Variants in TDRD9 observed in about 807,000 individuals in gnomAD.
TDRD9 encodes the protein tudor domain containing 9.
Under a neutral mutation model 172.6 loss-of-function variants are expected in TDRD9, and 124 were observed. The observed-to-expected ratio is 0.72, with a 90% CI of 0.62 to 0.83. The LOEUF is 0.83. TDRD9 is among the 40% of genes least tolerant of loss of function. TDRD9 has a pLI of 0.00. For missense variants in TDRD9, 1,479 were observed against 1,714.1 expected (o/e 0.86, Z 2.42); for synonymous variants, 619 against 617.1 (o/e 1.00, Z -0.05).
intron 2 of TDRD9, among the ~76,000 whole-genome samples, chr14:103,956,111 A>AAAAAAAATAT (rs1566738325): frequency 5.4e-5 from 1 of 18,362 alleles, no homozygotes; most frequent in African/African-American, 2.7e-4. Context: ...AAAAAAAAAA[A>AAAAAAAATAT]ATATATATAT....
chr14:103,978,553 A>G (rs1375926010), intron 7 of TDRD9, among the ~76,000 whole-genome samples: 2 of 152,140 alleles, frequency 1.3e-5, no homozygotes, highest in African/African-American at 2.4e-5. Context: ...TTTGGTCGCG[A>G]TGTTTCCTTA....
At chr14:103,974,830 G>A (rs1170907778) in intron 6 of TDRD9, among the ~76,000 whole-genome samples, 1 of 152,040 alleles carries the variant, frequency 6.6e-6, no homozygotes, top group Non-Finnish European at 1.5e-5. Context: ...TGTAATGATG[G>A]GGTCTTGCTA....
At chr14:104,048,767 C>T (rs1363135232) in intron 34 of TDRD9, among the ~76,000 whole-genome samples, 1 of 152,150 alleles carries the variant, frequency 6.6e-6, no homozygotes, top group Non-Finnish European at 1.5e-5. Context: ...GCTGCTGGCC[C>T]CAAGCAGGAT....
At chr14:104,018,309 T>G (rs12589669) in intron 23 of TDRD9, 117 bp downstream of exon 23, 1 of 609,830 alleles carries the variant, frequency 1.6e-6, no homozygotes, top group Non-Finnish European at 2.8e-6. Context: ...TATGGGCTGC[T>G]GCAATTGGCT....
Position 104,025,586 on chromosome 14 carries a change from G to A in TDRD9, c.2741G>A (p.Trp914Ter), listed in dbSNP as rs895366806. The A allele has an allele frequency of 1.5e-5, 24 of 1,613,762 alleles. No individual in the cohort carries two copies. The highest frequency in any genetic ancestry group is 1.9e-5 in the Non-Finnish European group (23 of 1,179,852). The change falls in exon 26 of 36, where the codon TGG (tryptophan) becomes TAG (stop). Residue 914 changes from tryptophan to a stop codon, truncating the protein, a stop_gained. Coordinates refer to ENST00000409874, the MANE Select transcript of TDRD9 (RefSeq NM_153046.3). LOFTEE classifies it high-confidence loss of function. ...TAGGTGGTTGAAGTGGGACACTTTTGGGGATACAGGATTGATGAAAACAAC... is the reference window on the plus strand; with the variant it reads ...TAGGTGGTTGAAGTGGGACACTTTTAGGGATACAGGATTGATGAAAACAAC... ...VTEVVEVGHF[W>*]GYRIDENNSE...
intron 1 of TDRD9, among the ~76,000 whole-genome samples, chr14:103,933,558 CTAT>C (rs944885370): frequency 2.0e-5 from 3 of 151,924 alleles, no homozygotes; most frequent in African/African-American, 7.2e-5. Flanking sequence ...TTTCATTTTA[CTAT>C]TATTATTTTA....
chr14:103,952,058 A>G lies in TDRD9; in HGVS notation c.216-3606A>G, dbSNP rs567944881. Among the ~76,000 whole-genome samples, 682 of 148,658 alleles carry G rather than the reference A, an allele frequency of 4.6e-3. 6 individuals are homozygous for G. The highest frequency in any genetic ancestry group is 0.016 in the African/African-American group (651 of 40,388). ...GCTGGGATTACCGGCGTGAGCCACC[A>G]TGCCCAGCCATAAAAGGAAATATTT... On this transcript the variant is annotated intron_variant, in intron 1 of 35. Coordinates refer to ENST00000409874, the MANE Select transcript of TDRD9 (RefSeq NM_153046.3).
At chr14:104,022,109 A>T in intron 23 of TDRD9, 48 bp from the exon 24 acceptor site, 1 of 1,486,834 alleles carries the variant, frequency 6.7e-7, no homozygotes. Flanking sequence ...TGCAGTTTTT[A>T]AACAGATGCC....
intron 1 of TDRD9, chr14:103,941,551 C>T (rs1409806392): frequency 2.2e-5 from 34 of 1,535,060 alleles, no homozygotes; most frequent in East Asian, 1.5e-4. Context: ...TGTTCATTTT[C>T]GATTTCTTGT....
At chr14:103,961,289 A>C (rs2032495490) in intron 2 of TDRD9, among the ~76,000 whole-genome samples, 1 of 152,220 alleles carries the variant, frequency 6.6e-6, no homozygotes, top group African/African-American at 2.4e-5. Flanking sequence ...TAGAAGATTA[A>C]AAAGCCATAG....
intron 8 of TDRD9, among the ~76,000 whole-genome samples, chr14:103,988,469 C>A (rs28715405): frequency 1.3e-5 from 2 of 152,044 alleles, no homozygotes; most frequent in Admixed American, 1.3e-4. Flanking sequence ...CGCGCCTGGC[C>A]TGTATTTTTA....
rs889325713 is a variant in TDRD9, at chr14:104,043,459, C to T, written c.3974+1272C>T. 7.9e-5 allele frequency among the ~76,000 whole-genome samples: 12 copies of T among 152,146 alleles called. No homozygotes were observed. The East Asian group carries it at 2.3e-3, about 29-fold the overall frequency. ...TTTCACCATGTTGGTCAGGTGAACT[C>T]CTGACCTCAGGCGATCCACCCGCTT... On this transcript the variant is annotated intron_variant, in intron 34 of 35. Transcript: ENST00000409874.
At chr14:103,970,321 A>G (rs1421586376) in intron 5 of TDRD9, among the ~76,000 whole-genome samples, 2 of 152,128 alleles carry the variant, frequency 1.3e-5, no homozygotes, top group Non-Finnish European at 2.9e-5. Context: ...GGGGGCCCTA[A>G]GGAGAAACAC....
chr14:104,024,322 A>G (rs1463574363), intron 24 of TDRD9, among the ~76,000 whole-genome samples: 2 of 152,170 alleles, frequency 1.3e-5, no homozygotes, highest in African/African-American at 2.4e-5. Context: ...GGCCTTCACA[A>G]TTATATACTA....
At chr14:104,020,767 G>A (rs770279552) in intron 23 of TDRD9, among the ~76,000 whole-genome samples, 6 of 152,090 alleles carry the variant, frequency 3.9e-5, no homozygotes, top group African/African-American at 7.2e-5. Flanking sequence ...AGAGGAAGGG[G>A]CCCAGGTCTG....
In TDRD9 at chr14:104,035,066, T is replaced by C. The variant is rs1466652199; in HGVS notation, c.3716+10T>C. On this transcript the variant is annotated intron_variant, in intron 32 of 35. Transcript: ENST00000409874. ...CGGTGATAGAGTTAAGGTACGGGCA[T>C]CCCTCTTGTCTATAGGCTTTGTAAA... The C allele has an allele frequency of 6.5e-7, 1 of 1,548,150 alleles. No homozygotes were observed. The highest frequency in any genetic ancestry group is 1.4e-5 in the African/African-American group (1 of 72,948).
rs371934680 is a variant in TDRD9 at position 103,939,743 on chromosome 14, G to GTTTTTTTTTTTTTTTTTTTTTT, written c.215+11040_215+11041insTTTTTTTTTTTTTTTTTTTTTT. ...AGTTCTAGTCTTTTTGAAAAAAAGT[G>GTTTTTTTTTTTTTTTTTTTTTT]TTTTTTTTTTTTTTTTTTTTTGAGA... On this transcript the variant is annotated intron_variant, in intron 1 of 35. Transcript: ENST00000409874. 9 of 17,442 alleles carry GTTTTTTTTTTTTTTTTTTTTTT rather than the reference G, an allele frequency of 5.2e-4. 2 individuals carry two copies. The highest frequency in any genetic ancestry group is 8.4e-4 in the Non-Finnish European group (7 of 8,292). The allele number at this position is 17,442 out of a possible 1,614,324, so 1.1% of individuals were successfully genotyped here.
chr14:103,952,339 C>A (rs1465036342), intron 1 of TDRD9, among the ~76,000 whole-genome samples: 1 of 142,488 alleles, frequency 7.0e-6, no homozygotes, highest in Non-Finnish European at 1.5e-5. Flanking sequence ...CTCCCGGGTT[C>A]ACGCCAATCT....
chr14:103,994,060 A>G (rs937357793), intron 9 of TDRD9, among the ~76,000 whole-genome samples: 3 of 152,210 alleles, frequency 2.0e-5, no homozygotes, highest in Non-Finnish European at 4.4e-5. Flanking sequence ...GGAATACAAA[A>G]ATTACTCATA....
Sources: allele counts gnomAD v4.1 joint callset (sites outside exome capture counted in the v4.1 genomes callset), GRCh38; gene constraint gnomAD v4.1.1; transcripts MANE v1.5; gene names NCBI Gene and HGNC (gene_info 2026-07-23, HGNC 2026-07-21).